The following CSMD1 variants were observed in gnomAD, a reference collection of about 807,000 sequenced individuals.
The protein encoded by CSMD1 is CUB and sushi domain-containing protein 1.
CSMD1 carries 213 observed loss-of-function variants against 417.5 expected under a neutral mutation model. That is an observed-to-expected ratio of 0.51 (90% CI 0.46 to 0.57). CSMD1 has a LOEUF of 0.57. Among genes scored for constraint, CSMD1 ranks in the 20% least tolerant of loss-of-function variants. The pLI is 0.00. For synonymous variants in CSMD1, 2,862 were observed against 1,736.8 expected, an observed-to-expected ratio of 1.65 and a Z score of -16.11; for missense variants, 6,923 against 4,529.7, an observed-to-expected ratio of 1.53 and a Z score of -15.17.
intron 1 of CSMD1, among the ~76,000 whole-genome samples, chr8:4,835,604 T>C (rs888243745): frequency 4.6e-5 from 7 of 152,178 alleles, no homozygotes; most frequent in African/African-American, 7.2e-5. Flanking sequence ...TATCTACATT[T>C]TGCATATGCA....
intron 11 of CSMD1, among the ~76,000 whole-genome samples, chr8:3,486,800 C>A (rs1818060663): frequency 6.6e-6 from 1 of 152,246 alleles, no homozygotes; most frequent in South Asian, 2.1e-4. Context: ...TCCACTGCAG[C>A]TGCTAGCCCA....
intron 2 of CSMD1, among the ~76,000 whole-genome samples, chr8:4,516,501 TC>T (rs962040737): frequency 6.6e-6 from 1 of 152,010 alleles, no homozygotes; most frequent in Non-Finnish European, 1.5e-5. Flanking sequence ...CCTTCTATGA[TC>T]CCCCTTCCTT....
chr8:3,436,671 G>C (rs1263771126), intron 12 of CSMD1, among the ~76,000 whole-genome samples: 4 of 152,058 alleles, frequency 2.6e-5, no homozygotes, highest in Non-Finnish European at 5.9e-5. Context: ...TGTGAGTCTT[G>C]TATTGTTCTA....
At chr8:4,719,200 G>T (rs151235554) in intron 1 of CSMD1, among the ~76,000 whole-genome samples, 2 of 152,258 alleles carry the variant, frequency 1.3e-5, no homozygotes, top group South Asian at 2.1e-4. Context: ...AAGTGCAGGG[G>T]TGGGGGAGAC....
At chr8:4,656,228 C>T (rs1255332504) in intron 1 of CSMD1, among the ~76,000 whole-genome samples, 2 of 151,902 alleles carry the variant, frequency 1.3e-5, no homozygotes. Flanking sequence ...TGTGGAAAAG[C>T]CTTAGGTTAG....
intron 2 of CSMD1, among the ~76,000 whole-genome samples, chr8:4,635,424 G>A (rs1168436468): frequency 6.6e-6 from 1 of 151,968 alleles, no homozygotes. Context: ...AAGACCATAA[G>A]AGATAATACA....
intron 5 of CSMD1, among the ~76,000 whole-genome samples, chr8:3,979,359 G>C (rs912880643): frequency 6.6e-6 from 1 of 152,192 alleles, no homozygotes; most frequent in South Asian, 2.1e-4. Flanking sequence ...AGGCATGAGA[G>C]AATGACTAAG....
intron 49 of CSMD1, among the ~76,000 whole-genome samples, chr8:3,072,678 G>A (rs181541098): frequency 6.6e-6 from 1 of 152,270 alleles, no homozygotes; most frequent in East Asian, 1.9e-4. Flanking sequence ...CACTAGGGAA[G>A]CAGATGTGGC....
chr8:3,917,493 A>T (rs985226466), intron 5 of CSMD1, among the ~76,000 whole-genome samples: 22 of 152,200 alleles, frequency 1.4e-4, no homozygotes, highest in African/African-American at 5.3e-4. Flanking sequence ...AGTTTTGTTA[A>T]AAGATAAACA....
chr8:4,758,820 C>G (rs963637288), intron 1 of CSMD1, among the ~76,000 whole-genome samples: 2 of 152,126 alleles, frequency 1.3e-5, no homozygotes, highest in Non-Finnish European at 2.9e-5. Flanking sequence ...ATAATCCAAC[C>G]ACCTCCCACC....
chr8:4,038,010 C>A (rs1021348001), intron 3 of CSMD1, among the ~76,000 whole-genome samples: 6 of 151,946 alleles, frequency 3.9e-5, no homozygotes, highest in Non-Finnish European at 1.5e-5. Context: ...TCACTTTATT[C>A]CCACACTTGG....
chr8:4,541,301 A>G (rs1585225281), intron 2 of CSMD1, among the ~76,000 whole-genome samples: 1 of 152,084 alleles, frequency 6.6e-6, no homozygotes, highest in South Asian at 2.1e-4. Context: ...GCTGATCATA[A>G]CTACCCCCAT....
intron 1 of CSMD1, among the ~76,000 whole-genome samples, chr8:4,851,577 T>A (rs1038083450): frequency 6.6e-6 from 1 of 152,110 alleles, no homozygotes; most frequent in Admixed American, 6.5e-5. Flanking sequence ...ACCTGTATCT[T>A]CAGTTGGCAT....
intron 3 of CSMD1, among the ~76,000 whole-genome samples, chr8:4,416,780 T>C (rs757091846): frequency 4.9e-4 from 74 of 152,058 alleles, no homozygotes; most frequent in Non-Finnish European, 8.8e-4. Flanking sequence ...TTCCTAGATG[T>C]TTTTCTTAAA....
At chr8:3,211,330 C>G (rs1047014977) in intron 30 of CSMD1, among the ~76,000 whole-genome samples, 1 of 152,212 alleles carries the variant, frequency 6.6e-6, no homozygotes, top group African/African-American at 2.4e-5. Flanking sequence ...CAGGCATGAG[C>G]AGCTTTGTCT....
At position 3,964,246 on chromosome 8, in the gene CSMD1, T is replaced by A. The variant is rs146679756; in HGVS notation, c.818+33657A>T. 2.9e-3 allele frequency among the ~76,000 whole-genome samples: 436 copies of A among 152,354 alleles called. 2 individuals carry two copies. The highest frequency in any genetic ancestry group is 0.01 in the African/African-American group (421 of 41,584). ...GTGATTTACTAAATTATACTTTTTG[T>A]GGCTATCCCTCCTTTGGGGCTTAGA... On this transcript the variant is annotated intron_variant, in intron 5 of 69. Coordinates refer to ENST00000635120, the MANE Select transcript of CSMD1 (RefSeq NM_033225.6).
At chr8:3,293,725 C>G (rs929134499) in intron 25 of CSMD1, among the ~76,000 whole-genome samples, 1 of 151,188 alleles carries the variant, frequency 6.6e-6, no homozygotes, top group Non-Finnish European at 1.5e-5. Flanking sequence ...GTTAGCCATT[C>G]GTTTAATTTT....
chr8:4,182,319 T>G (rs1455255305), intron 3 of CSMD1, among the ~76,000 whole-genome samples: 2 of 152,142 alleles, frequency 1.3e-5, no homozygotes, highest in African/African-American at 4.8e-5. Flanking sequence ...TTGGTTTCAG[T>G]AAATTTATTC....
intron 3 of CSMD1, among the ~76,000 whole-genome samples, chr8:4,410,620 C>T (rs1210514520): frequency 5.3e-5 from 8 of 151,830 alleles, no homozygotes; most frequent in Admixed American, 4.6e-4. Flanking sequence ...TTATGTATTA[C>T]CAAATGTAAT....
Sources: gnomAD v4.1 joint callset for allele counts (sites outside exome capture counted in the v4.1 genomes callset) on GRCh38, gnomAD v4.1.1 for gene constraint, MANE v1.5 for transcripts, NCBI Gene and HGNC (gene_info 2026-07-23, HGNC 2026-07-21) for gene names.